ZC3HAV1: variants seen among roughly 807,000 people sequenced by gnomAD.
ZC3HAV1 encodes zinc finger CCCH-type containing, antiviral 1.
In ZC3HAV1, 41 loss-of-function variants were observed where a neutral mutation model predicts 86.6. The ratio of observed to expected loss-of-function variants is 0.47; its 90% CI spans 0.37 to 0.61. The LOEUF is 0.61. ZC3HAV1 is among the 20% of genes least tolerant of loss of function. The pLI is 0.00. For missense variants in ZC3HAV1, 964 were observed against 1,141.1 expected, an observed-to-expected ratio of 0.84 and a Z score of 2.24; for synonymous variants, 421 against 432.1, an observed-to-expected ratio of 0.97 and a Z score of 0.32.
At chr7:139,055,131 A>G in intron 10 of ZC3HAV1, 74 bp downstream of exon 10, 1 of 1,332,952 alleles carries the variant, frequency 7.5e-7, no homozygotes. Context: ...ATCCAGACAA[A>G]CACATACACT....
chr7:139,052,504 C>T (rs1248100614), intron 12 of ZC3HAV1, among the ~76,000 whole-genome samples: 5 of 149,188 alleles, frequency 3.4e-5, no homozygotes, highest in Admixed American at 6.8e-5. Context: ...ACTTGAGAGG[C>T]TGAGGCAGGA....
intron 7 of ZC3HAV1, among the ~76,000 whole-genome samples, chr7:139,067,310 C>A (rs1339334488): frequency 1.3e-5 from 2 of 152,204 alleles, no homozygotes; most frequent in Middle Eastern, 3.4e-3. Context: ...TCACCACACC[C>A]CAGCTAATTT....
chr7:139,073,663 G>C (rs543648256), intron 7 of ZC3HAV1, among the ~76,000 whole-genome samples, 193 bp downstream of exon 7: 23 of 152,110 alleles, frequency 1.5e-4, no homozygotes, highest in Middle Eastern at 3.4e-3. Flanking sequence ...GCTAATTTTT[G>C]TATTTTTAAT....
At position 139,058,736 on chromosome 7, in the gene ZC3HAV1, G is replaced by A. The variant is rs560451709; in HGVS notation, c.2096+2300C>T. On this transcript the variant is annotated intron_variant, in intron 9 of 12. Transcript: ENST00000242351. ...GACGGGAAGGAGTATTCCTGGAGAG[G>A]GGAAGAGCAAATGGAAAAGCACGAA... Among the ~76,000 whole-genome samples the A allele has an allele frequency of 1.2e-4, 19 of 152,272 alleles. No homozygotes were observed. In the East Asian group the frequency reaches 3.7e-3, roughly 29 times the overall value.
rs772137932 is a variant in ZC3HAV1 at position 139,055,218 on chromosome 7, G to C, written c.2174C>G (p.Ser725Ter). 1 of 1,612,822 alleles carries C rather than the reference G, an allele frequency of 6.2e-7. No individual in the cohort carries two copies. Among genetic ancestry groups the C allele is most frequent in the Non-Finnish European group, 8.5e-7 (1 of 1,179,282 alleles). ...AAAACCAAGTACCTTATATTTCTTT[G>C]AGGATAGGAAGCAAAAGTCCTCCTG... ...RPQEDFCFLS[S>*]KKYKLSEIHH... The change falls in exon 10 of 13, where the codon TCA becomes TGA. Residue 725 changes from serine to a stop codon, truncating the protein, a stop_gained. Transcript: ENST00000242351. LOFTEE classifies it high-confidence loss of function.
intron 4 of ZC3HAV1, chr7:139,079,127 C>T (rs1184689970): frequency 6.5e-7 from 1 of 1,536,164 alleles, no homozygotes; most frequent in South Asian, 1.2e-5. Flanking sequence ...TGTTGTCTTC[C>T]TTGTGAGCTC....
At chr7:139,105,118 G>A (rs1310824565) in intron 1 of ZC3HAV1, among the ~76,000 whole-genome samples, 1 of 152,080 alleles carries the variant, frequency 6.6e-6, no homozygotes, top group Non-Finnish European at 1.5e-5. Flanking sequence ...GGAGGCTGAG[G>A]GAGGAGGATC....
intron 1 of ZC3HAV1, among the ~76,000 whole-genome samples, chr7:139,098,639 T>C (rs920938609): frequency 6.6e-6 from 1 of 152,186 alleles, no homozygotes; most frequent in African/African-American, 2.4e-5. Flanking sequence ...CCCGTCTCTA[T>C]TTTAATAAAT....
At chr7:139,063,888 T>G (rs889155184) in intron 8 of ZC3HAV1, among the ~76,000 whole-genome samples, 2 of 152,150 alleles carry the variant, frequency 1.3e-5, no homozygotes, top group African/African-American at 4.8e-5. Flanking sequence ...TGGTACAGAC[T>G]GGTCCTACTT....
At chr7:139,082,034 G>A (rs1285972083) in intron 3 of ZC3HAV1, among the ~76,000 whole-genome samples, 2 of 152,214 alleles carry the variant, frequency 1.3e-5, no homozygotes, top group African/African-American at 2.4e-5. Context: ...GGAGGCTAAG[G>A]TGGGTGGATC....
At chr7:139,057,605 C>A (rs4732345) in intron 9 of ZC3HAV1, among the ~76,000 whole-genome samples, 53,735 of 54,846 alleles carry the variant, frequency 0.98, 26,359 homozygotes, top group African/African-American at 0.99. Flanking sequence ...GTGGCGCGAT[C>A]TCGGCTCACT....
chr7:139,066,983 G>A (rs933327035), intron 7 of ZC3HAV1, among the ~76,000 whole-genome samples: 1 of 152,176 alleles, frequency 6.6e-6, no homozygotes, highest in East Asian at 1.9e-4. Context: ...GCCAGCTCCC[G>A]GGTGATGCTG....
intron 12 of ZC3HAV1, among the ~76,000 whole-genome samples, chr7:139,052,808 T>C (rs913544481): frequency 6.6e-6 from 1 of 151,658 alleles, no homozygotes; most frequent in Non-Finnish European, 1.5e-5. Flanking sequence ...ACACACCTGT[T>C]GTCCCAGTTA....
intron 7 of ZC3HAV1, among the ~76,000 whole-genome samples, chr7:139,069,086 T>A (rs1162649661): frequency 6.6e-6 from 1 of 152,212 alleles, no homozygotes; most frequent in East Asian, 1.9e-4. Context: ...GTCAGTCATA[T>A]CTGTGCTGAG....
At chr7:139,061,217 C>T in intron 8 of ZC3HAV1, 79 bp from the exon 9 acceptor site, 11 of 1,376,944 alleles carry the variant, frequency 8.0e-6, no homozygotes, top group South Asian at 1.3e-5. Flanking sequence ...TTTGCAGAGG[C>T]TATTTACACG....
At chr7:139,105,359 G>C (rs1817905275) in intron 1 of ZC3HAV1, among the ~76,000 whole-genome samples, 1 of 152,122 alleles carries the variant, frequency 6.6e-6, no homozygotes, top group Non-Finnish European at 1.5e-5. Flanking sequence ...ACTACCTTAG[G>C]AGCTATCCTA....
At chr7:139,049,121 TCTC>T (rs1399916813) in intron 12 of ZC3HAV1, among the ~76,000 whole-genome samples, 1 of 138,716 alleles carries the variant, frequency 7.2e-6, no homozygotes, top group Non-Finnish European at 1.5e-5. Context: ...ACTCTCTCTC[TCTC>T]CTTTTTTTTT....
rs35386659 is a variant in ZC3HAV1, at chr7:139,052,606, CAAAAAAAAAAAA to C, written c.2449+833_2449+844del. Among the ~76,000 whole-genome samples the C allele has an allele frequency of 1.1e-4, 7 of 64,976 alleles. No homozygotes were observed. In the East Asian group the frequency reaches 1.8e-3, roughly 17 times the overall value. 42.6% of individuals were successfully genotyped at this position (64,976 alleles called of 152,430 possible). On this transcript the variant is annotated intron_variant, in intron 12 of 12. Coordinates refer to ENST00000242351, the MANE Select transcript of ZC3HAV1 (RefSeq NM_020119.4). The stretch of plus-strand genomic sequence containing the variant: ...GGCAATAAAAGCGAAACTCTGTCTC[CAAAAAAAAAAAA>C]AAAAAAAAAAAGAGTTGCATGCATC...
At chr7:139,055,825 A>G (rs777468618) in intron 9 of ZC3HAV1, among the ~76,000 whole-genome samples, 8 of 152,220 alleles carry the variant, frequency 5.3e-5, no homozygotes, top group Non-Finnish European at 1.0e-4. Flanking sequence ...ATAGAATTAG[A>G]AAACCACCAT....
Sources: gnomAD v4.1 joint callset for allele counts (sites outside exome capture counted in the v4.1 genomes callset) on GRCh38, gnomAD v4.1.1 for gene constraint, MANE v1.5 for transcripts, NCBI Gene and HGNC (gene_info 2026-07-23, HGNC 2026-07-21) for gene names.